The following KLF12 variants were observed in gnomAD, a reference collection of about 807,000 sequenced individuals.
The protein encoded by KLF12 is KLF transcription factor 12.
Under a neutral mutation model 37.8 loss-of-function variants are expected in KLF12, and 9 were observed. The observed-to-expected ratio is 0.24, with a 90% CI of 0.14 to 0.42. The LOEUF (loss-of-function observed/expected upper bound fraction) is 0.42. Ranked by LOEUF, KLF12 falls within the 10% of genes least tolerant of loss-of-function variation. The pLI is 1.00. For synonymous variants in KLF12, 208 were observed against 202.1 expected, an observed-to-expected ratio of 1.03 and a Z score of -0.25; for missense variants, 411 against 516.0, an observed-to-expected ratio of 0.80 and a Z score of 1.97.
intron 3 of KLF12, among the ~76,000 whole-genome samples, chr13:73,930,928 A>C (rs1889644299): frequency 7.3e-6 from 1 of 136,996 alleles, no homozygotes; most frequent in Non-Finnish European, 1.5e-5. Flanking sequence ...CAATGGCGCG[A>C]TCTCGGCTCA....
chr13:73,846,491 G>A (rs993926003), intron 3 of KLF12, 118 bp from the exon 4 acceptor site: 52 of 922,650 alleles, frequency 5.6e-5, no homozygotes, highest in Non-Finnish European at 7.7e-5. Flanking sequence ...ACATTTATTC[G>A]TTCTCCAAAT....
the KLF12 span, among the ~76,000 whole-genome samples, chr13:74,167,394 C>G: frequency 4.6e-5 from 7 of 152,252 alleles, no homozygotes; most frequent in South Asian, 1.2e-3. Context: ...GGAAATAGCT[C>G]CTTTTCCTAG....
At chr13:73,899,358 A>G (rs200820749) in intron 3 of KLF12, among the ~76,000 whole-genome samples, 64 of 152,244 alleles carry the variant, frequency 4.2e-4, no homozygotes, top group African/African-American at 1.3e-3. Context: ...GAAGGAGGGG[A>G]AGTAAGTGAC....
At chr13:73,699,044 C>G (rs537331101) in intron 7 of KLF12, among the ~76,000 whole-genome samples, 44 of 152,080 alleles carry the variant, frequency 2.9e-4, no homozygotes, top group South Asian at 1.5e-3. Context: ...TTCTGGGCAA[C>G]AGGAAATGAG....
chr13:73,917,244 A>G (rs1180942622), intron 3 of KLF12, among the ~76,000 whole-genome samples: 1 of 152,206 alleles, frequency 6.6e-6, no homozygotes. Flanking sequence ...AATACATAGC[A>G]TTTGTACTAG....
intron 1 of KLF12, among the ~76,000 whole-genome samples, chr13:74,011,481 T>C (rs1286340728): frequency 2.0e-5 from 3 of 152,230 alleles, no homozygotes; most frequent in Non-Finnish European, 4.4e-5. Context: ...TTGATACACA[T>C]TGAAATGATA....
the KLF12 span, among the ~76,000 whole-genome samples, chr13:74,192,689 A>C: frequency 6.6e-6 from 1 of 152,228 alleles, no homozygotes; most frequent in African/African-American, 2.4e-5. Flanking sequence ...TATGATCTAC[A>C]CTTGGATGTC....
intron 1 of KLF12, among the ~76,000 whole-genome samples, chr13:74,014,707 C>T (rs953341322): frequency 6.6e-6 from 1 of 152,188 alleles, no homozygotes; most frequent in African/African-American, 2.4e-5. Flanking sequence ...CTTCGCAGTT[C>T]AATCCAAAAA....
intron 6 of KLF12, 60 bp downstream of exon 6, chr13:73,764,878 T>G (rs1209495146): frequency 2.2e-6 from 2 of 903,746 alleles, no homozygotes; most frequent in Middle Eastern, 2.2e-4. Context: ...AATTTTAACA[T>G]AAGCCCTATT....
At chr13:74,144,940 CTA>C in the KLF12 span, among the ~76,000 whole-genome samples, 49 of 152,198 alleles carry the variant, frequency 3.2e-4, 1 homozygote, top group Admixed American at 1.7e-3. Flanking sequence ...GAATAAAATT[CTA>C]TAGCTTTATT....
chr13:73,815,030 TCTGGC>T (rs1036714237), intron 4 of KLF12, among the ~76,000 whole-genome samples: 25 of 147,282 alleles, frequency 1.7e-4, no homozygotes, highest in African/African-American at 5.9e-4. Flanking sequence ...ATCCATATTT[TCTGGC>T]CTTGTCTTAA....
chr13:73,944,338 C>T (rs1224223407), intron 2 of KLF12, among the ~76,000 whole-genome samples: 1 of 152,204 alleles, frequency 6.6e-6, no homozygotes, highest in East Asian at 1.9e-4. Context: ...AGTATGGAAA[C>T]CTTACGTTAA....
the KLF12 span, among the ~76,000 whole-genome samples, chr13:74,192,147 A>G: frequency 6.6e-6 from 1 of 152,088 alleles, no homozygotes; most frequent in Non-Finnish European, 1.5e-5. Context: ...AATCAAGAGG[A>G]GTGCCTTGAC....
intron 3 of KLF12, among the ~76,000 whole-genome samples, chr13:73,885,062 T>C (rs1383983690): frequency 6.6e-6 from 1 of 152,242 alleles, no homozygotes; most frequent in Non-Finnish European, 1.5e-5. Context: ...TACTCTCTAC[T>C]CTAATTACTT....
At chr13:73,742,287 G>GT (rs1320787094) in intron 6 of KLF12, among the ~76,000 whole-genome samples, 1 of 152,160 alleles carries the variant, frequency 6.6e-6, no homozygotes, top group African/African-American at 2.4e-5. Context: ...GCAGAAAATT[G>GT]TAAGAACTGA....
At chr13:73,798,372 T>C (rs527457890) in intron 5 of KLF12, among the ~76,000 whole-genome samples, 3 of 152,096 alleles carry the variant, frequency 2.0e-5, no homozygotes, top group African/African-American at 4.8e-5. Flanking sequence ...AAAGATTTAA[T>C]GACAAAGACA....
chr13:73,856,509 C>T (rs748311614), intron 3 of KLF12, among the ~76,000 whole-genome samples: 1 of 152,064 alleles, frequency 6.6e-6, no homozygotes. Flanking sequence ...TGCCATCTTC[C>T]TCTCTTCCTC....
intron 3 of KLF12, among the ~76,000 whole-genome samples, chr13:73,932,391 C>T (rs1475433997): frequency 6.6e-6 from 1 of 152,146 alleles, no homozygotes; most frequent in East Asian, 1.9e-4. Flanking sequence ...CCTAGTAAGA[C>T]ATGAAACAGA....
chr13:74,275,823 T>TTTCTTTC, the KLF12 span, among the ~76,000 whole-genome samples: 1 of 113,678 alleles, frequency 8.8e-6, no homozygotes, highest in Non-Finnish European at 1.8e-5. Context: ...TCTTTCTTTC[T>TTTCTTTC]TTCTTTCTTT....
Sources: gnomAD v4.1 joint callset for allele counts (sites outside exome capture counted in the v4.1 genomes callset) on GRCh38, gnomAD v4.1.1 for gene constraint, MANE v1.5 for transcripts, NCBI Gene and HGNC (gene_info 2026-07-23, HGNC 2026-07-21) for gene names.